Variants in PELI2 observed in about 807,000 individuals in gnomAD.
PELI2 encodes E3 ubiquitin-protein ligase pellino homolog 2.
A neutral mutation model predicts 42.3 loss-of-function variants in PELI2; 23 were observed. The observed-to-expected ratio is 0.54, with a 90% CI of 0.39 to 0.77. The LOEUF is 0.77. Ranked by LOEUF, PELI2 falls within the 30% of genes least tolerant of loss-of-function variation. The pLI is 0.00. For missense variants in PELI2, 463 were observed against 553.2 expected (o/e 0.84, Z 1.64); for synonymous variants, 245 against 212.2 (o/e 1.15, Z -1.34).
intron 2 of PELI2, among the ~76,000 whole-genome samples, chr14:56,217,109 T>C (rs1886935308): frequency 6.6e-6 from 1 of 152,258 alleles, no homozygotes; most frequent in Non-Finnish European, 1.5e-5. Context: ...TTGCATTCTT[T>C]TGTTACATTA....
intron 2 of PELI2, among the ~76,000 whole-genome samples, chr14:56,256,408 G>C (rs1888528109): frequency 6.6e-6 from 1 of 151,758 alleles, no homozygotes; most frequent in South Asian, 2.1e-4. Context: ...AGTTCTGATG[G>C]AACCACTGCA....
chr14:56,227,445 C>G (rs1887397678), intron 2 of PELI2, among the ~76,000 whole-genome samples: 1 of 152,216 alleles, frequency 6.6e-6, no homozygotes, highest in Non-Finnish European at 1.5e-5. Context: ...CCAGATTTCT[C>G]ACTTCAGAGA....
chr14:56,167,947 G>A (rs896360041), intron 1 of PELI2, among the ~76,000 whole-genome samples: 1 of 152,192 alleles, frequency 6.6e-6, no homozygotes, highest in Non-Finnish European at 1.5e-5. Flanking sequence ...TGATGGTGTT[G>A]CACAAAATCC....
At chr14:56,215,199 T>C (rs1235951844) in intron 2 of PELI2, among the ~76,000 whole-genome samples, 1 of 152,232 alleles carries the variant, frequency 6.6e-6, no homozygotes, top group Non-Finnish European at 1.5e-5. Flanking sequence ...CAATTGAAAC[T>C]TCTCTTTCCT....
chr14:56,183,401 G>C (rs10483665), intron 2 of PELI2, among the ~76,000 whole-genome samples: 61,833 of 151,790 alleles, frequency 0.41, 13,226 homozygotes, highest in South Asian at 0.53. Flanking sequence ...TAACAACATC[G>C]AAAAACATTT....
chr14:56,263,899 T>A (rs74733034), intron 2 of PELI2, among the ~76,000 whole-genome samples: 53 of 145,738 alleles, frequency 3.6e-4, no homozygotes, highest in Admixed American at 4.1e-4. Flanking sequence ...CGATTTTTTT[T>A]AAAGACAACA....
At chr14:56,144,948 A>G (rs924966669) in intron 1 of PELI2, 2 of 982,090 alleles carry the variant, frequency 2.0e-6, no homozygotes, top group Non-Finnish European at 2.4e-6. Context: ...CCATTACAGG[A>G]GAAGAGGGAT....
At chr14:56,213,924 T>C (rs1208167212) in intron 2 of PELI2, among the ~76,000 whole-genome samples, 1 of 151,712 alleles carries the variant, frequency 6.6e-6, no homozygotes, top group East Asian at 1.9e-4. Context: ...TGATCTCGGC[T>C]CGCTGCAACC....
intron 2 of PELI2, among the ~76,000 whole-genome samples, chr14:56,194,469 G>T (rs746705875): frequency 2.0e-5 from 3 of 152,114 alleles, no homozygotes; most frequent in Admixed American, 2.0e-4. Context: ...TTCACCAGTC[G>T]CCATCCCTAG....
rs865774064 is a variant in PELI2, at chr14:56,289,214, G to A, written c.507+580G>A. Among the ~76,000 whole-genome samples the A allele has an allele frequency of 5.3e-5, 8 of 152,298 alleles. No individual in the cohort carries two copies. The South Asian group carries it at 8.3e-4, about 16-fold the overall frequency. On this transcript the variant is annotated intron_variant, in intron 4 of 5. Transcript: ENST00000267460. The stretch of plus-strand genomic sequence containing the variant: ...AAAATGATCTAAAATCAGTGAAAAT[G>A]TACTATTCCCACATAAGAAGTGCCG...
intron 2 of PELI2, among the ~76,000 whole-genome samples, chr14:56,239,071 G>A (rs1379493253): frequency 6.6e-6 from 1 of 152,078 alleles, no homozygotes; most frequent in East Asian, 1.9e-4. Context: ...ATTTTTCAGA[G>A]AGGCCTTTTT....
intron 2 of PELI2, among the ~76,000 whole-genome samples, chr14:56,224,581 C>T (rs1003795890): frequency 1.3e-5 from 2 of 152,172 alleles, no homozygotes; most frequent in African/African-American, 2.4e-5. Flanking sequence ...ATCTTTCTCT[C>T]CTTTTAGAAA....
chr14:56,126,864 A>C (rs1169310588), intron 1 of PELI2, among the ~76,000 whole-genome samples: 2 of 152,242 alleles, frequency 1.3e-5, no homozygotes, highest in African/African-American at 2.4e-5. Flanking sequence ...AGTACATAAG[A>C]TTACATTATG....
intron 1 of PELI2, among the ~76,000 whole-genome samples, chr14:56,130,447 T>A (rs868563396): frequency 3.7e-4 from 23 of 61,504 alleles, no homozygotes; most frequent in South Asian, 1.9e-3. Context: ...TTTTATTTTG[T>A]TTTTTTTTAA....
chr14:56,290,142 T>C, intron 4 of PELI2, 126 bp from the exon 5 acceptor site: 1 of 672,132 alleles, frequency 1.5e-6, no homozygotes, highest in Non-Finnish European at 2.4e-6. Flanking sequence ...TAGCTTTAAA[T>C]AGAAAATGAA....
intron 2 of PELI2, among the ~76,000 whole-genome samples, chr14:56,245,588 A>G (rs1888123436): frequency 6.6e-6 from 1 of 152,070 alleles, no homozygotes; most frequent in African/African-American, 2.4e-5. Context: ...TGTTTATGTG[A>G]TTCTATACAG....
intron 1 of PELI2, among the ~76,000 whole-genome samples, chr14:56,136,599 C>T (rs1412102956): frequency 2.6e-5 from 4 of 152,152 alleles, no homozygotes; most frequent in Non-Finnish European, 5.9e-5. Flanking sequence ...TACCTCAGCC[C>T]ACTGACCTTG....
chr14:56,153,493 A>G (rs1884440570), intron 1 of PELI2, among the ~76,000 whole-genome samples: 1 of 152,198 alleles, frequency 6.6e-6, no homozygotes, highest in African/African-American at 2.4e-5. Context: ...TCTTTTAGGC[A>G]TTGATCCAAG....
intron 1 of PELI2, among the ~76,000 whole-genome samples, chr14:56,158,103 C>T (rs775817253): frequency 7.9e-5 from 12 of 152,176 alleles, no homozygotes; most frequent in Non-Finnish European, 1.5e-4. Context: ...TCTCGGCTCA[C>T]TGCAACCTCC....
Sources: gnomAD v4.1 joint callset for allele counts (sites outside exome capture counted in the v4.1 genomes callset) on GRCh38, gnomAD v4.1.1 for gene constraint, MANE v1.5 for transcripts, NCBI Gene and HGNC (gene_info 2026-07-23, HGNC 2026-07-21) for gene names.